The following THNSL1 variants were observed in gnomAD, a reference collection of about 807,000 sequenced individuals.
THNSL1 encodes threonine synthase like 1, also known as threonine synthase-like 1.
In THNSL1, 48 loss-of-function variants were observed where a neutral mutation model predicts 50.4. The ratio of observed to expected loss-of-function variants is 0.95; its 90% CI spans 0.76 to 1.21. THNSL1 has a LOEUF of 1.21. Ranked by LOEUF, THNSL1 falls within the 50% of genes most tolerant of loss-of-function variation. THNSL1 has a pLI of 0.00. For missense variants in THNSL1, 896 were observed against 871.7 expected, an observed-to-expected ratio of 1.03 and a Z score of -0.35; for synonymous variants, 309 against 306.1, an observed-to-expected ratio of 1.01 and a Z score of -0.10.
In THNSL1 at chr10:25,024,036, G is replaced by A. The variant is rs764828926; in HGVS notation, c.813G>A (p.Glu271=). 9 of 1,614,198 alleles carry A rather than the reference G, an allele frequency of 5.6e-6. No individual in the cohort carries two copies. The East Asian group carries it at 1.3e-4, about 24-fold the overall frequency. The change falls in exon 3 of 3, where the codon GAG becomes GAA. Residue 271 remains glutamate (E), a synonymous_variant. Transcript: ENST00000376356. The stretch of plus-strand genomic sequence containing the variant: ...GTGGCCTCTTTGTTCCTGCAAAGGA[G>A]TTTCCAAAATTAAGCTGCGGGGAGT... ...SDGGLFVPAK[E]FPKLSCGEWK...
rs569017281 is a variant in THNSL1, at chr10:25,023,240, G to A, written c.17G>A (p.Arg6Gln). 37 of 1,611,780 alleles carry A rather than the reference G, an allele frequency of 2.3e-5. No homozygotes were observed. The highest frequency in any genetic ancestry group is 3.1e-5 in the Non-Finnish European group (37 of 1,178,572). Reference sequence around the variant, plus strand: ...GAAAAGAGAATGCTCCACTTTAACCGATGTCATCATCTGAAAAAGATAACA... The same window carrying A: ...GAAAAGAGAATGCTCCACTTTAACCAATGTCATCATCTGAAAAAGATAACA... MLHFN[R>Q]CHHLKKITQK... The change falls in exon 3 of 3, where the codon CGA becomes CAA. Residue 6 changes from arginine to glutamine, a missense_variant. By Grantham distance (43) the Arg-to-Gln change is conservative (BLOSUM62 1). Coordinates refer to ENST00000376356, the MANE Select transcript of THNSL1 (RefSeq NM_024838.5).
At chr10:25,003,682 ATTTTC>A in the THNSL1 span, among the ~76,000 whole-genome samples, 3 of 152,072 alleles carry the variant, frequency 2.0e-5, no homozygotes, top group Non-Finnish European at 2.9e-5. Flanking sequence ...AATTGGCTCT[ATTTTC>A]TTTTAAGTTC....
chr10:25,016,687 C>G lies in THNSL1; in HGVS notation c.-221C>G, dbSNP rs571159886. The G allele has an allele frequency of 3.3e-4, 50 of 152,476 alleles. No individual in the cohort carries two copies. Among genetic ancestry groups the G allele is most frequent in the African/African-American group, 1.2e-3 (49 of 41,594 alleles). 9.4% of individuals were successfully genotyped at this position (152,476 alleles called of 1,614,324 possible). ...CGCGGGGGCGGGACCGGGGAGCTAGCTGCAGGTACGGTGCTCCGTCTCCTG... is the reference window on the plus strand; with the variant it reads ...CGCGGGGGCGGGACCGGGGAGCTAGGTGCAGGTACGGTGCTCCGTCTCCTG... On this transcript the variant is annotated 5_prime_UTR_variant, in exon 1 of 3. Coordinates refer to ENST00000376356, the MANE Select transcript of THNSL1 (RefSeq NM_024838.5).
chr10:25,024,813 T>C lies in THNSL1; in HGVS notation c.1590T>C (p.Phe530=). 6.2e-7 allele frequency: 1 copy of C among 1,614,188 alleles called. No individual in the cohort carries two copies. Among genetic ancestry groups the C allele is most frequent in the Middle Eastern group, 1.7e-4 (1 of 6,060 alleles). Residue 530 remains phenylalanine, a synonymous_variant, in exon 3 of 3, where the codon TTT becomes TTC. Transcript: ENST00000376356. ...AKMMGIPIRK[F]ICASNQNHVL... ...TGATGGGAATCCCGATTCGAAAATTTATCTGTGCCTCTAATCAGAACCATG... is the reference window on the plus strand; with the variant it reads ...TGATGGGAATCCCGATTCGAAAATTCATCTGTGCCTCTAATCAGAACCATG...
chr10:24,999,594 T>C, the THNSL1 span: 134 of 1,465,876 alleles, frequency 9.1e-5, no homozygotes, highest in South Asian at 2.5e-5. Flanking sequence ...CTAGTAAAAA[T>C]TACCTAAAGT....
chr10:24,961,048 T>G, the THNSL1 span, among the ~76,000 whole-genome samples: 1 of 152,240 alleles, frequency 6.6e-6, no homozygotes, highest in Non-Finnish European at 1.5e-5. Flanking sequence ...GCAAAGGTAT[T>G]TTTCCATTTT....
chr10:24,966,658 C>T, the THNSL1 span, among the ~76,000 whole-genome samples: 2 of 152,176 alleles, frequency 1.3e-5, no homozygotes, highest in African/African-American at 4.8e-5. Context: ...GTGAAGAGTA[C>T]TTCCTGTACC....
the THNSL1 span, among the ~76,000 whole-genome samples, chr10:24,964,873 G>A: frequency 1.3e-5 from 2 of 152,146 alleles, no homozygotes; most frequent in Admixed American, 1.3e-4. Context: ...GACCAGCCTG[G>A]GCAATATGGA....
At chr10:24,967,335 G>A in the THNSL1 span, among the ~76,000 whole-genome samples, 1 of 152,154 alleles carries the variant, frequency 6.6e-6, no homozygotes, top group African/African-American at 2.4e-5. Flanking sequence ...GGTGCAGCTG[G>A]TACCACCTGG....
Position 25,025,429 on chromosome 10 carries a change from C to T in THNSL1, c.2206C>T (p.Gln736Ter). ...GAATGTCTTGAAGAGTCATGTGGAA[C>T]AACTTGTCCAAAATCAATTCATATG... The part of the protein sequence containing the change: ...DMNVLKSHVE[Q>*]LVQNQFI The change falls in exon 3 of 3, where the codon CAA becomes TAA. Residue 736 changes from glutamine to a stop codon, truncating the protein, a stop_gained. Transcript: ENST00000376356. LOFTEE classifies it high-confidence loss of function. The T allele has an allele frequency of 6.2e-7, 1 of 1,606,374 alleles. No homozygotes were observed. Among genetic ancestry groups the T allele is most frequent in the Admixed American group, 1.7e-5 (1 of 58,354 alleles).
the THNSL1 span, among the ~76,000 whole-genome samples, chr10:24,999,796 G>T: frequency 6.6e-6 from 1 of 152,124 alleles, no homozygotes; most frequent in Non-Finnish European, 1.5e-5. Context: ...TTGAACATCT[G>T]TAGCATCGAT....
chr10:25,020,738 C>G (rs11014351), intron 1 of THNSL1, among the ~76,000 whole-genome samples: 37,024 of 148,362 alleles, frequency 0.25, 5,519 homozygotes, highest in East Asian at 0.5. Flanking sequence ...AAGACCCTTT[C>G]TCAAAAAAAA....
At chr10:24,972,432 C>T in the THNSL1 span, among the ~76,000 whole-genome samples, 6 of 151,388 alleles carry the variant, frequency 4.0e-5, no homozygotes, top group South Asian at 2.1e-4. Flanking sequence ...CATTTGAACC[C>T]GGAAGGTGGA....
the THNSL1 span, among the ~76,000 whole-genome samples, chr10:24,976,297 G>A: frequency 6.6e-6 from 1 of 152,006 alleles, no homozygotes; most frequent in East Asian, 1.9e-4. Context: ...TAAACAAGTA[G>A]ACTCTCAGCA....
the THNSL1 span, among the ~76,000 whole-genome samples, chr10:25,011,310 C>T: frequency 6.6e-6 from 1 of 151,872 alleles, no homozygotes; most frequent in African/African-American, 2.4e-5. Context: ...TTTTCTTGTA[C>T]ATTTGTTTGA....
chr10:24,963,368 C>T, the THNSL1 span, among the ~76,000 whole-genome samples: 1 of 152,178 alleles, frequency 6.6e-6, no homozygotes, highest in African/African-American at 2.4e-5. Flanking sequence ...CATTTATTTT[C>T]TAAGTTTTAA....
At chr10:24,966,882 C>T in the THNSL1 span, among the ~76,000 whole-genome samples, 6 of 152,156 alleles carry the variant, frequency 3.9e-5, no homozygotes, top group Admixed American at 1.3e-4. Flanking sequence ...CTTAGAATAA[C>T]GCAGACCCTA....
rs764417484 is a variant in THNSL1, at chr10:25,023,798, A to C, written c.575A>C (p.Tyr192Ser). 4 of 1,614,210 alleles carry C rather than the reference A, an allele frequency of 2.5e-6. No homozygotes were observed. Among genetic ancestry groups the C allele is most frequent in the South Asian group, 2.2e-5 (2 of 91,084 alleles). ...GACTTACTTAAATTTAGAAGACAGT[A>C]TTATAAGAAGTGGTATGATGCTCGT... ...MKDLLKFRRQ[Y>S]YKKWYDARVF... The change falls in exon 3 of 3, where the codon TAT (tyrosine) becomes TCT (serine). Residue 192 changes from tyrosine to serine, a missense_variant. Tyr to Ser is a moderately radical substitution (Grantham distance 144). Transcript: ENST00000376356.
the THNSL1 span, among the ~76,000 whole-genome samples, chr10:24,962,132 T>C: frequency 6.6e-6 from 1 of 152,172 alleles, no homozygotes; most frequent in African/African-American, 2.4e-5. Flanking sequence ...AAACCTACAA[T>C]CTGTAAAAGC....
Sources: allele counts gnomAD v4.1 joint callset (sites outside exome capture counted in the v4.1 genomes callset), GRCh38; gene constraint gnomAD v4.1.1; transcripts MANE v1.5; gene names NCBI Gene and HGNC (gene_info 2026-07-23, HGNC 2026-07-21).